Variants in SPTBN5 observed in about 807,000 individuals in gnomAD.
SPTBN5 encodes the protein spectrin beta chain, non-erythrocytic 5.
Under a neutral mutation model 477.6 loss-of-function variants are expected in SPTBN5, and 513 were observed. The observed-to-expected ratio is 1.07, with a 90% CI of 1.00 to 1.16. The LOEUF is 1.16. SPTBN5 is among the 50% of genes most tolerant of loss of function. The probability of loss-of-function intolerance (pLI) is 0.00; values close to 1 mark genes in which losing one functional copy is unlikely to be tolerated. For synonymous variants in SPTBN5, 2,169 were observed against 2,011.7 expected (o/e 1.08, Z -2.09); for missense variants, 5,062 against 4,731.8 (o/e 1.07, Z -2.05).
At chr15:41,863,078 C>A (rs2066173546) in intron 41 of SPTBN5, among the ~76,000 whole-genome samples, 175 bp from the exon 42 acceptor site, 1 of 152,242 alleles carries the variant, frequency 6.6e-6, no homozygotes, top group South Asian at 2.1e-4. Flanking sequence ...TTCTGAGGAG[C>A]AACTCTGGAT....
Position 41,848,177 on chromosome 15 carries a change from G to C in SPTBN5, c.*439C>G. The C allele has an allele frequency of 3.8e-6, 2 of 524,454 alleles. No homozygotes were observed. Among genetic ancestry groups the C allele is most frequent in the Non-Finnish European group, 3.4e-6 (1 of 291,136 alleles). The allele number at this position is 524,454 out of a possible 1,614,324, so 32.5% of individuals were successfully genotyped here. ...GCTGAGACCATCTGTTATTACTGCT[G>C]AGAAGGGCCATGTCATTCTAGGCTC... On this transcript the variant is annotated 3_prime_UTR_variant, in exon 68 of 68. Transcript: ENST00000320955.
intron 14 of SPTBN5, 54 bp from the exon 15 acceptor site, chr15:41,879,918 C>A: frequency 6.2e-7 from 1 of 1,606,270 alleles, no homozygotes; most frequent in South Asian, 1.1e-5. Context: ...TTTCCACACT[C>A]CCCTCTAGCC....
At chr15:41,890,013 G>T in intron 4 of SPTBN5, 76 bp downstream of exon 4, 1 of 906,094 alleles carries the variant, frequency 1.1e-6, no homozygotes, top group Non-Finnish European at 1.8e-6. Flanking sequence ...TGGAACTTAT[G>T]AATCCCCAGG....
Position 41,853,250 on chromosome 15 carries a change from G to A in SPTBN5, c.10170+8C>T, listed in dbSNP as rs372383582. 3.5e-5 allele frequency: 55 copies of A among 1,582,782 alleles called. No individual in the cohort carries two copies. Among genetic ancestry groups the A allele is most frequent in the Non-Finnish European group, 4.1e-5 (48 of 1,158,080 alleles). On this transcript the variant is annotated splice_region_variant and intron_variant, in intron 59 of 67. Coordinates refer to ENST00000320955, the MANE Select transcript of SPTBN5 (RefSeq NM_016642.4). ...GCCCAACCCCAGGCCCACCCTCTGA[G>A]TTCACACCTCCGCAGACATGAAGTG...
rs535132089 is a variant in SPTBN5, at chr15:41,868,800, C to T, written c.5854-199G>A. 4.6e-5 allele frequency among the ~76,000 whole-genome samples: 7 copies of T among 152,316 alleles called. No individual in the cohort carries two copies. The East Asian group carries it at 9.7e-4, about 21-fold the overall frequency. On this transcript the variant is annotated intron_variant, in intron 32 of 67. Coordinates refer to ENST00000320955, the MANE Select transcript of SPTBN5 (RefSeq NM_016642.4). The stretch of plus-strand genomic sequence containing the variant: ...ATCCAACCCGATCCTCCCAGAACCA[C>T]GAACCCCCTACATGAGCCAGACCCT...
chr15:41,857,149 G>T, intron 51 of SPTBN5, 89 bp downstream of exon 51: 1 of 1,515,130 alleles, frequency 6.6e-7, no homozygotes. Flanking sequence ...GGCAAGGGGA[G>T]AAAGTGAGAA....
intron 6 of SPTBN5, among the ~76,000 whole-genome samples, 160 bp downstream of exon 6, chr15:41,887,053 T>A (rs745646): frequency 6.6e-6 from 1 of 152,124 alleles, no homozygotes; most frequent in African/African-American, 2.4e-5. Context: ...AAGGGCCTTC[T>A]GTTATCCAGG....
chr15:41,873,148 C>A (rs1253741734), intron 26 of SPTBN5, among the ~76,000 whole-genome samples: 1 of 152,080 alleles, frequency 6.6e-6, no homozygotes, highest in Non-Finnish European at 1.5e-5. Flanking sequence ...AGGAAGACAC[C>A]TGTGGGAGAT....
In SPTBN5 at chr15:41,853,389, C is replaced by T. The variant is rs1348632682; in HGVS notation, c.10039G>A (p.Ala3347Thr). 6.2e-7 allele frequency: 1 copy of T among 1,608,684 alleles called. No individual in the cohort carries two copies. Among genetic ancestry groups the T allele is most frequent in the South Asian group, 1.1e-5 (1 of 90,850 alleles). Residue 3347 changes from alanine (A) to threonine (T), a missense_variant, in exon 59 of 68, where the codon GCG (alanine) becomes ACG (threonine). Transcript: ENST00000320955. Reference protein sequence around the residue: ...ASSEELAEDVAGAEQLLGQHE... With the variant: ...ASSEELAEDVTGAEQLLGQHE... ...TGCCCAAGGAGCTGCTCAGCCCCCG[C>T]CACGTCCTCAGCCAGCTCCTCGGAG...
In SPTBN5 at chr15:41,852,819, C is replaced by G. The variant is rs1164088440; in HGVS notation, c.10347+5G>C. ...AGCCAGCTAAGGGGCAGGACCCCCA[C>G]TCACCCCATAGTCGGGCTTCAGCAG... On this transcript the variant is annotated splice_donor_5th_base_variant and intron_variant, in intron 60 of 67. Transcript: ENST00000320955. 1.9e-6 allele frequency: 3 copies of G among 1,610,254 alleles called. No homozygotes were observed. The highest frequency in any genetic ancestry group is 1.7e-6 in the Non-Finnish European group (2 of 1,177,928).
In SPTBN5 at chr15:41,852,746, G is replaced by A; in HGVS notation, c.10348-11C>T. On this transcript the variant is annotated splice_polypyrimidine_tract_variant and intron_variant, in intron 60 of 67. Coordinates refer to ENST00000320955, the MANE Select transcript of SPTBN5 (RefSeq NM_016642.4). The stretch of plus-strand genomic sequence containing the variant: ...ATCTGACACTGAGTGCTGGGGAGAA[G>A]CATGTTCAGGTGACGCCCAGCTTGG... The A allele has an allele frequency of 6.2e-7, 1 of 1,600,534 alleles. No individual in the cohort carries two copies. Among genetic ancestry groups the A allele is most frequent in the Non-Finnish European group, 8.5e-7 (1 of 1,169,646 alleles).
intron 22 of SPTBN5, 151 bp downstream of exon 22, chr15:41,875,307 G>T: frequency 9.4e-7 from 1 of 1,060,522 alleles, no homozygotes; most frequent in Non-Finnish European, 1.3e-6. Context: ...CCGACTGAGC[G>T]GAAAGCCACG....
intron 67 of SPTBN5, among the ~76,000 whole-genome samples, 173 bp from the exon 68 acceptor site, chr15:41,848,801 G>T (rs570009621): frequency 6.6e-6 from 1 of 152,178 alleles, no homozygotes; most frequent in African/African-American, 2.4e-5. Flanking sequence ...ACAGTGACGC[G>T]TGAGTGGGTG....
In SPTBN5 at chr15:41,870,137, G is replaced by A. The variant is rs943562526; in HGVS notation, c.5673+106C>T. 90 of 1,453,724 alleles carry A rather than the reference G, an allele frequency of 6.2e-5. No individual in the cohort carries two copies. The African/African-American group carries it at 1.1e-3, about 18-fold the overall frequency. 90.1% of individuals were successfully genotyped at this position (1,453,724 alleles called of 1,614,324 possible). On this transcript the variant is annotated intron_variant, in intron 31 of 67. Coordinates refer to ENST00000320955, the MANE Select transcript of SPTBN5 (RefSeq NM_016642.4). ...GGGCCACGTCCTGCCATGCACAGGA[G>A]GCCCATGGGAGGCCCTGAGGGACAG...
At position 41,854,944 on chromosome 15, in the gene SPTBN5, C is replaced by T; in HGVS notation, c.9456G>A (p.Lys3152=). ...VLEEKFDAFR[K]EVQSLGQAKV... ...TGGCCTGGCCCAGGCTCTGCACTTC[C>T]TTTCTGAAAGCATCAAACTTCTCTT... is the stretch of plus-strand genomic sequence containing the variant. The change falls in exon 56 of 68, where the codon AAG becomes AAA. Residue 3152 remains lysine, a synonymous_variant. Coordinates refer to ENST00000320955, the MANE Select transcript of SPTBN5 (RefSeq NM_016642.4). 6.4e-7 allele frequency: 1 copy of T among 1,561,314 alleles called. No homozygotes were observed. Among genetic ancestry groups the T allele is most frequent in the African/African-American group, 1.4e-5 (1 of 72,764 alleles).
Position 41,860,761 on chromosome 15 carries a change from G to A in SPTBN5, c.7816-3C>T. 2 of 1,572,984 alleles carry A rather than the reference G, an allele frequency of 1.3e-6. No individual in the cohort carries two copies. The highest frequency in any genetic ancestry group is 1.2e-5 in the South Asian group (1 of 83,236). ...GGCTCCATGGGGGCCAAGGGGTCCT[G>A]GTGGGAGTGGGGAACCCAATACTGT... On this transcript the variant is annotated splice_polypyrimidine_tract_variant and splice_region_variant and intron_variant, in intron 46 of 67. Coordinates refer to ENST00000320955, the MANE Select transcript of SPTBN5 (RefSeq NM_016642.4).
intron 25 of SPTBN5, 79 bp downstream of exon 25, chr15:41,873,766 C>T: frequency 1.9e-6 from 3 of 1,569,980 alleles, no homozygotes; most frequent in Non-Finnish European, 2.6e-6. Flanking sequence ...TGATCCGCCT[C>T]CCTGAGAGTC....
In SPTBN5 at chr15:41,852,787, G is replaced by A. The variant is rs1236945830; in HGVS notation, c.10347+37C>T. On this transcript the variant is annotated intron_variant, in intron 60 of 67. Transcript: ENST00000320955. ...CCCAGCTTGGGGGGGGGGGCCCAGA[G>A]CCTGGTAGCCAGCTAAGGGGCAGGA... The A allele has an allele frequency of 1.9e-6, 3 of 1,599,366 alleles. No homozygotes were observed. The African/African-American group carries it at 4.0e-5, about 21-fold the overall frequency.
intron 46 of SPTBN5, 29 bp downstream of exon 46, chr15:41,861,390 C>G (rs761126593): frequency 1.9e-6 from 3 of 1,590,680 alleles, no homozygotes; most frequent in Middle Eastern, 1.7e-4. Context: ...GTAATTCCCC[C>G]CTCCTGCCCA....
Sources: gnomAD v4.1 joint callset for allele counts (sites outside exome capture counted in the v4.1 genomes callset) on GRCh38, gnomAD v4.1.1 for gene constraint, MANE v1.5 for transcripts, NCBI Gene and HGNC (gene_info 2026-07-23, HGNC 2026-07-21) for gene names.